The following MYO16 variants were observed in gnomAD, a reference collection of about 807,000 sequenced individuals.
MYO16 encodes the protein myosin XVI.
A neutral mutation model predicts 205.3 loss-of-function variants in MYO16; 94 were observed. That is an observed-to-expected ratio of 0.46 (90% confidence interval 0.39 to 0.54). MYO16 has a LOEUF of 0.54. MYO16 is among the 20% of genes least tolerant of loss of function. The pLI, the probability that MYO16 is intolerant of heterozygous loss-of-function variation, is 0.00. For synonymous variants in MYO16, 988 were observed against 954.0 expected (o/e 1.04, Z -0.66); for missense variants, 2,315 against 2,387.5 (o/e 0.97, Z 0.63).
chr13:108,610,427 G>A (rs1268106385), intron 1 of MYO16, among the ~76,000 whole-genome samples: 1 of 152,096 alleles, frequency 6.6e-6, no homozygotes, highest in East Asian at 1.9e-4. Flanking sequence ...GGGACCTGGA[G>A]CGCTTTGTGG....
chr13:109,004,656 A>G (rs9521123), intron 21 of MYO16, among the ~76,000 whole-genome samples: 23,853 of 152,166 alleles, frequency 0.16, 2,242 homozygotes, highest in Non-Finnish European at 0.21. Context: ...GCCCTGTAGG[A>G]TAAGATAAAC....
chr13:108,952,430 C>A (rs1490690900), intron 16 of MYO16, among the ~76,000 whole-genome samples: 2 of 152,098 alleles, frequency 1.3e-5, no homozygotes, highest in Non-Finnish European at 2.9e-5. Context: ...AACTTCAGTG[C>A]CCTTATTTCT....
chr13:109,023,688 TATATATGTATATATGTATATATACAA>T (rs1566468315), intron 23 of MYO16, among the ~76,000 whole-genome samples: 2 of 100,268 alleles, frequency 2.0e-5, no homozygotes, highest in South Asian at 3.2e-4. Context: ...TATATATACA[TATATATGTATATATGTATATATACAA>T]ATATATGTAT....
chr13:109,177,538 A>C (rs1305321183), intron 33 of MYO16, among the ~76,000 whole-genome samples: 1 of 151,922 alleles, frequency 6.6e-6, no homozygotes, highest in Non-Finnish European at 1.5e-5. Context: ...ATTTATGTTG[A>C]GATGGAGTCT....
upstream of MYO16, among the ~76,000 whole-genome samples, chr13:108,593,236 C>T (rs1468686904): frequency 6.6e-6 from 1 of 152,066 alleles, no homozygotes; most frequent in Non-Finnish European, 1.5e-5. Context: ...TTAAAATAAA[C>T]GAAAATGCTC....
At chr13:108,627,576 C>T (rs9583268), upstream of MYO16, among the ~76,000 whole-genome samples, 5,858 of 151,916 alleles carry the variant, frequency 0.039, 378 homozygotes, top group African/African-American at 0.13. Flanking sequence ...ATACATGAGT[C>T]GATGAAAAAT....
chr13:108,536,287 C>G, the MYO16 span, among the ~76,000 whole-genome samples: 1 of 152,224 alleles, frequency 6.6e-6, no homozygotes, highest in South Asian at 2.1e-4. Flanking sequence ...ACAACTGACT[C>G]CTTCTCAGGG....
intron 33 of MYO16, among the ~76,000 whole-genome samples, chr13:109,174,002 G>C (rs948119444): frequency 1.3e-5 from 2 of 149,974 alleles, no homozygotes; most frequent in Non-Finnish European, 3.0e-5. Context: ...TACTATCCAG[G>C]GTGAACAATA....
chr13:108,519,649 C>CACACACA, the MYO16 span, among the ~76,000 whole-genome samples: 4,318 of 118,504 alleles, frequency 0.036, 97 homozygotes, highest in Middle Eastern at 0.091. Flanking sequence ...ACACACACAC[C>CACACACA]CACACACACA....
intron 10 of MYO16, among the ~76,000 whole-genome samples, chr13:108,848,983 C>T (rs1233842918): frequency 1.0e-5 from 1 of 100,428 alleles, no homozygotes; most frequent in East Asian, 2.1e-4. Context: ...GATCTGCAGC[C>T]AGGGAAAGGG....
intron 23 of MYO16, among the ~76,000 whole-genome samples, chr13:109,024,608 A>C (rs1219553197): frequency 3.9e-5 from 6 of 152,188 alleles, no homozygotes; most frequent in African/African-American, 1.2e-4. Flanking sequence ...AAAGCAAAAC[A>C]GAGAAAACCA....
At chr13:108,637,299 A>T (rs182724291) in intron 1 of MYO16, among the ~76,000 whole-genome samples, 181 of 152,276 alleles carry the variant, frequency 1.2e-3, no homozygotes, top group Non-Finnish European at 2.3e-3. Context: ...TAACATCCTT[A>T]CTTGGCATCT....
intron 1 of MYO16, among the ~76,000 whole-genome samples, chr13:108,644,345 C>T (rs566160613): frequency 3.7e-4 from 53 of 141,912 alleles, no homozygotes; most frequent in Non-Finnish European, 6.7e-4. Flanking sequence ...TTTATTCTAC[C>T]ATCTATCTGT....
the MYO16 span, among the ~76,000 whole-genome samples, chr13:108,530,398 G>C: frequency 3.3e-3 from 507 of 152,300 alleles, 10 homozygotes; most frequent in South Asian, 0.056. Flanking sequence ...GGTGTGACAG[G>C]ATAACACCAG....
the MYO16 span, among the ~76,000 whole-genome samples, chr13:108,542,738 T>C: frequency 6.6e-6 from 1 of 152,056 alleles, no homozygotes; most frequent in African/African-American, 2.4e-5. Flanking sequence ...TTCCCTATAG[T>C]TTTGAAGAGT....
intron 15 of MYO16, among the ~76,000 whole-genome samples, chr13:108,902,048 G>T (rs1880737461): frequency 6.6e-6 from 1 of 152,106 alleles, no homozygotes; most frequent in Admixed American, 6.5e-5. Flanking sequence ...CACTGAAAAA[G>T]AAATAACTCA....
intron 34 of MYO16, 134 bp from the exon 35 acceptor site, chr13:109,206,475 A>C: frequency 1.5e-6 from 1 of 659,216 alleles, no homozygotes; most frequent in South Asian, 1.9e-5. Flanking sequence ...GCAGCAGTGC[A>C]TGGAGATTGA....
intron 3 of MYO16, 66 bp downstream of exon 3, chr13:108,712,797 A>C (rs1883775451): frequency 8.0e-7 from 1 of 1,253,444 alleles, no homozygotes; most frequent in Non-Finnish European, 1.1e-6. Flanking sequence ...TACAGGTTCA[A>C]ACCCAGGAAC....
At position 109,079,274 on chromosome 13, in the gene MYO16, T is replaced by C. The variant is rs979423606; in HGVS notation, c.3336-21511T>C. ...GAGAGCCATTGCCTCCTATTGATTGTCCATTTTCAGTTGTCTCAGGAGGGA... is the reference window on the plus strand; with the variant it reads ...GAGAGCCATTGCCTCCTATTGATTGCCCATTTTCAGTTGTCTCAGGAGGGA... On this transcript the variant is annotated intron_variant, in intron 27 of 34. Transcript: ENST00000457511. 5.3e-5 allele frequency among the ~76,000 whole-genome samples: 8 copies of C among 152,308 alleles called. No homozygotes were observed. The South Asian group carries it at 1.7e-3, about 32-fold the overall frequency.
Sources: gnomAD v4.1 joint callset for allele counts (sites outside exome capture counted in the v4.1 genomes callset) on GRCh38, gnomAD v4.1.1 for gene constraint, MANE v1.5 for transcripts, NCBI Gene and HGNC (gene_info 2026-07-23, HGNC 2026-07-21) for gene names.